Variants in ZC3H12B observed in about 807,000 individuals in gnomAD.
ZC3H12B encodes zinc finger CCCH-type containing 12B, also known as probable ribonuclease ZC3H12B.
ZC3H12B carries 7 observed loss-of-function variants against 43.9 expected under a neutral mutation model. The ratio of observed to expected loss-of-function variants is 0.16; its 90% confidence interval spans 0.09 to 0.30. The LOEUF is 0.30. Among genes scored for constraint, ZC3H12B ranks in the 10% least tolerant of loss-of-function variants. The pLI, the probability that ZC3H12B is intolerant of heterozygous loss-of-function variation, is 1.00. For missense variants in ZC3H12B, 475 were observed against 670.2 expected (o/e 0.71, Z 3.22); for synonymous variants, 222 against 241.7 (o/e 0.92, Z 0.76).
the ZC3H12B span, among the ~76,000 whole-genome samples, chrX:65,094,998 G>A: frequency 8.9e-6 from 1 of 112,002 alleles, no homozygotes; most frequent in African/African-American, 3.2e-5. Context: ...AATGAATGAA[G>A]TGAGCTTTTC....
the ZC3H12B span, among the ~76,000 whole-genome samples, chrX:65,190,291 G>A: frequency 9.1e-6 from 1 of 110,352 alleles, no homozygotes; most frequent in African/African-American, 3.3e-5. Flanking sequence ...GCTCTTTTTT[G>A]GTTCCATATG....
the ZC3H12B span, among the ~76,000 whole-genome samples, chrX:65,221,372 CAAAA>C: frequency 9.0e-6 from 1 of 110,849 alleles, no homozygotes; most frequent in East Asian, 2.8e-4. Context: ...TCGAAACAAA[CAAAA>C]AACTATACCA....
At chrX:65,189,864 T>G in the ZC3H12B span, among the ~76,000 whole-genome samples, 3 of 109,840 alleles carry the variant, frequency 2.7e-5, no homozygotes, top group Admixed American at 9.6e-5. Context: ...GGACATGAAG[T>G]CCTTGCCCAT....
chrX:65,107,356 G>C, the ZC3H12B span, among the ~76,000 whole-genome samples: 1 of 111,158 alleles, frequency 9.0e-6, no homozygotes. Flanking sequence ...AAAGACCTAG[G>C]TCAGTGTTAA....
chrX:65,488,027 A>G (rs1275138408), upstream of ZC3H12B, among the ~76,000 whole-genome samples: 1 of 111,148 alleles, frequency 9.0e-6, no homozygotes, highest in Non-Finnish European at 1.9e-5. Context: ...GTCCGTCACC[A>G]TGCCCAGCTA....
chrX:65,045,851 G>T, the ZC3H12B span, among the ~76,000 whole-genome samples: 10 of 111,856 alleles, frequency 8.9e-5, no homozygotes, highest in Non-Finnish European at 9.4e-5. Flanking sequence ...TTGATTCATG[G>T]ACCGCAGAAG....
At chrX:65,378,074 G>C (rs1301100086) in intron 2 of ZC3H12B, among the ~76,000 whole-genome samples, 1 of 110,269 alleles carries the variant, frequency 9.1e-6, no homozygotes, top group East Asian at 2.8e-4. Flanking sequence ...ACTCCCGCCT[G>C]GGTGACAGAG....
the ZC3H12B span, among the ~76,000 whole-genome samples, chrX:65,058,451 G>A: frequency 1.8e-5 from 2 of 111,973 alleles, no homozygotes; most frequent in Non-Finnish European, 3.8e-5. Context: ...TGTCTCAGAG[G>A]GGTAACCAGC....
At chrX:65,092,212 TG>T in the ZC3H12B span, among the ~76,000 whole-genome samples, 1 of 112,016 alleles carries the variant, frequency 8.9e-6, no homozygotes, top group Non-Finnish European at 1.9e-5. Context: ...GTACAGCCTG[TG>T]GAACCATGAG....
At chrX:65,316,972 A>G in the ZC3H12B span, among the ~76,000 whole-genome samples, 1 of 111,538 alleles carries the variant, frequency 9.0e-6, no homozygotes, top group Non-Finnish European at 1.9e-5. Flanking sequence ...CAAATGGAAA[A>G]CAGAAAATTG....
intron 3 of ZC3H12B, among the ~76,000 whole-genome samples, chrX:65,458,936 A>G (rs1472273693): frequency 9.0e-6 from 1 of 111,300 alleles, no homozygotes; most frequent in African/African-American, 3.3e-5. Context: ...TTTTTTGAAA[A>G]GATCAACAAA....
chrX:65,294,094 G>T, the ZC3H12B span, among the ~76,000 whole-genome samples: 1 of 111,280 alleles, frequency 9.0e-6, no homozygotes, highest in African/African-American at 3.3e-5. Flanking sequence ...AATCTTAAGA[G>T]CCCTGAGGTG....
At chrX:65,449,700 C>T (rs1216309109) in intron 3 of ZC3H12B, among the ~76,000 whole-genome samples, 1 of 111,398 alleles carries the variant, frequency 9.0e-6, no homozygotes, top group African/African-American at 3.3e-5. Context: ...ATGTCTTTTG[C>T]AGCATCTTGG....
At chrX:65,177,745 C>A in the ZC3H12B span, among the ~76,000 whole-genome samples, 1 of 111,870 alleles carries the variant, frequency 8.9e-6, no homozygotes, top group Non-Finnish European at 1.9e-5. Context: ...TCAAGGAGAA[C>A]TACAAACCAC....
At chrX:65,194,633 A>G in the ZC3H12B span, among the ~76,000 whole-genome samples, 2 of 112,066 alleles carry the variant, frequency 1.8e-5, no homozygotes, top group Non-Finnish European at 3.8e-5. Context: ...GCTGAGGACA[A>G]TCATGTCTAT....
the ZC3H12B span, among the ~76,000 whole-genome samples, chrX:65,079,917 G>T: frequency 1.8e-5 from 2 of 111,111 alleles, no homozygotes; most frequent in South Asian, 3.8e-4. Flanking sequence ...AGAGATATAT[G>T]ATCTTCCAGA....
At chrX:65,286,983 G>A in the ZC3H12B span, among the ~76,000 whole-genome samples, 1 of 110,592 alleles carries the variant, frequency 9.0e-6, no homozygotes, top group East Asian at 2.8e-4. Context: ...CAAGCAAGAG[G>A]ATATAACAAT....
intron 3 of ZC3H12B, among the ~76,000 whole-genome samples, chrX:65,414,089 A>G (rs888390336): frequency 7.2e-5 from 8 of 111,481 alleles, no homozygotes; most frequent in Non-Finnish European, 1.5e-4. Context: ...CTGGTGTGTA[A>G]CCCTTTTATT....
At chrX:65,064,843 A>G in the ZC3H12B span, among the ~76,000 whole-genome samples, 19 of 112,088 alleles carry the variant, frequency 1.7e-4, no homozygotes, top group South Asian at 7.1e-3. Flanking sequence ...GGGTGCATAT[A>G]TATTTAGGAT....
Sources: gnomAD v4.1 joint callset for allele counts (sites outside exome capture counted in the v4.1 genomes callset) on GRCh38, gnomAD v4.1.1 for gene constraint, MANE v1.5 for transcripts, NCBI Gene and HGNC (gene_info 2026-07-23, HGNC 2026-07-21) for gene names.